NPHP4: variants seen among roughly 807,000 people sequenced by gnomAD.
NPHP4 encodes nephrocystin-4.
NPHP4 carries 151 observed loss-of-function variants against 155.8 expected under a neutral mutation model. That is an observed-to-expected ratio of 0.97 (90% CI 0.85 to 1.11). The LOEUF (loss-of-function observed/expected upper bound fraction) is 1.11. Ranked by LOEUF, NPHP4 falls within the 50% of genes least tolerant of loss-of-function variation. The pLI is 0.00. For missense variants in NPHP4, 1,956 were observed against 1,925.7 expected (o/e 1.02, Z -0.29); for synonymous variants, 845 against 816.8 (o/e 1.03, Z -0.59).
intron 23 of NPHP4, chr1:5,868,239 C>T (rs1310159422): frequency 1.0e-5 from 4 of 390,048 alleles, no homozygotes; most frequent in African/African-American, 2.1e-5. Flanking sequence ...TCCCACCTCC[C>T]GACACCCTGT....
At position 5,863,525 on chromosome 1, in the gene NPHP4, C is replaced by G. The variant is rs956635831; in HGVS notation, c.4141-120G>C. 21 of 1,254,100 alleles carry G rather than the reference C, an allele frequency of 1.7e-5. No homozygotes were observed. In the African/African-American group the frequency reaches 2.4e-4, roughly 14 times the overall value. 77.7% of individuals were successfully genotyped at this position (1,254,100 alleles called of 1,614,324 possible). On this transcript the variant is annotated intron_variant, in intron 29 of 29. Coordinates refer to ENST00000378156, the MANE Select transcript of NPHP4 (RefSeq NM_015102.5). ...GAGCTGACAAGGCAGGGGAGCCCTG[C>G]GGGTGCATCCAAGGCCTGCCTTTGA...
chr1:5,980,936 C>A (rs548991531), intron 2 of NPHP4, among the ~76,000 whole-genome samples: 96 of 152,286 alleles, frequency 6.3e-4, no homozygotes, highest in African/African-American at 2.1e-3. Flanking sequence ...CTCCTCAGCT[C>A]CTCCCGCATC....
rs188785553 is a variant in NPHP4 at position 5,906,127 on chromosome 1, G to A, written c.1612-344C>T. ...CTAATTTTATGAGCAGGTCAGGACC[G>A]TGGGAGATACCTGACACCTGAGATG... is the stretch of plus-strand genomic sequence containing the variant. On this transcript the variant is annotated intron_variant, in intron 13 of 29. Coordinates refer to ENST00000378156, the MANE Select transcript of NPHP4 (RefSeq NM_015102.5). 9.8e-5 allele frequency among the ~76,000 whole-genome samples: 15 copies of A among 152,348 alleles called. No individual in the cohort carries two copies. The South Asian group carries it at 2.7e-3, about 27-fold the overall frequency.
Position 5,866,408 on chromosome 1 carries a change from G to C in NPHP4, c.3609C>G (p.Ser1203Arg), listed in dbSNP as rs1225987472. The C allele has an allele frequency of 5.6e-6, 9 of 1,609,096 alleles. No homozygotes were observed. The highest frequency in any genetic ancestry group is 7.6e-6 in the Non-Finnish European group (9 of 1,177,432). Residue 1203 changes from serine to arginine, a missense_variant, in exon 26 of 30, where the codon AGC (serine) becomes AGG (arginine). Coordinates refer to ENST00000378156, the MANE Select transcript of NPHP4 (RefSeq NM_015102.5). ...DIFLKVASGPSPEIKDFFVII... is the reference protein window; with the variant it reads ...DIFLKVASGPRPEIKDFFVII... ...TGACAAAGAAGTCTTTGATCTCCGG[G>C]CTTGGACCACTGGCCACCTTCAGAA...
At chr1:5,946,966 T>A in intron 9 of NPHP4, 138 bp downstream of exon 9, 2 of 921,658 alleles carry the variant, frequency 2.2e-6, no homozygotes, top group Non-Finnish European at 3.4e-6. Context: ...CTGATAAATG[T>A]CAGTAAAGTG....
At position 5,863,982 on chromosome 1, in the gene NPHP4, T is replaced by C; in HGVS notation, c.4048A>G (p.Ile1350Val). ...GAGGGGTAGGGGTTGGTGTAGGTGA[T>C]CCTCTTGTTGACACCCTTCCCTTCG... ...AGEGKGVNKR[I>V]TYTNPYPSRR... The change falls in exon 29 of 30, where the codon ATC (isoleucine) becomes GTC (valine). Residue 1350 changes from isoleucine to valine, a missense_variant. Ile to Val is a conservative substitution (Grantham distance 29). Coordinates refer to ENST00000378156, the MANE Select transcript of NPHP4 (RefSeq NM_015102.5). 1 of 1,613,704 alleles carries C rather than the reference T, an allele frequency of 6.2e-7. No individual in the cohort carries two copies.
intron 3 of NPHP4, among the ~76,000 whole-genome samples, chr1:5,973,115 T>A (rs1366902995): frequency 6.6e-6 from 1 of 152,142 alleles, no homozygotes; most frequent in Non-Finnish European, 1.5e-5. Context: ...AAATTCCTGA[T>A]CTCAAGTGAT....
rs1193119060 is a variant in NPHP4 at position 5,983,563 on chromosome 1, C to T, written c.135+2592G>A. Among the ~76,000 whole-genome samples the T allele has an allele frequency of 2.6e-5, 4 of 152,348 alleles. No individual in the cohort carries two copies. The East Asian group carries it at 7.7e-4, about 29-fold the overall frequency. ...GACTCTTGGAAGCTTGTACCCTCTT[C>T]CCTCAGACATCCCCCATATGCCTCC... On this transcript the variant is annotated intron_variant, in intron 2 of 29. Transcript: ENST00000378156.
intron 6 of NPHP4, among the ~76,000 whole-genome samples, chr1:5,959,046 C>CG (rs993680253): frequency 2.4e-4 from 23 of 95,692 alleles, no homozygotes; most frequent in Admixed American, 1.4e-3. Flanking sequence ...GGGCGGGGGG[C>CG]GGGGGGGCGG....
At chr1:5,866,105 C>A in intron 26 of NPHP4, 1 of 521,446 alleles carries the variant, frequency 1.9e-6, no homozygotes, top group Admixed American at 3.2e-5. Context: ...TTGCCACTAT[C>A]TGGGGACAGA....
chr1:5,866,070 G>A (rs1201090830), intron 26 of NPHP4: 3 of 443,126 alleles, frequency 6.8e-6, no homozygotes, highest in Non-Finnish European at 4.2e-6. Flanking sequence ...CAAGAAAAAG[G>A]TAATGAGGGG....
Position 5,905,772 on chromosome 1 carries a change from C to T in NPHP4, c.1623G>A (p.Pro541=), listed in dbSNP as rs375796182. The T allele has an allele frequency of 5.6e-6, 9 of 1,607,974 alleles. No individual in the cohort carries two copies. In the East Asian group the frequency reaches 6.7e-5, roughly 12 times the overall value. The change falls in exon 14 of 30, where the codon CCG becomes CCA. Residue 541 remains proline, a synonymous_variant. Coordinates refer to ENST00000378156, the MANE Select transcript of NPHP4 (RefSeq NM_015102.5). This position sits in a 1 kb window ranked among gnomAD's most constrained non-coding sequence, Gnocchi z 4.0. ...QASPAQAQEF[P]LEAGISHLEA... is the part of the protein sequence containing the mutation. ...CCAGGTGGGAGATACCGGCCTCCAA[C>T]GGGAACTCCTGCTGAACAAAACGAG...
At position 5,867,601 on chromosome 1, in the gene NPHP4, G is replaced by T; in HGVS notation, c.3472+139C>A. ...CGTTTCAAACCATAAAGGCAGGAGA[G>T]AGAATTCCCCAGGCCCCACGTGCTG... On this transcript the variant is annotated intron_variant, in intron 24 of 29. Transcript: ENST00000378156. This position sits in a 1 kb window ranked among gnomAD's most constrained non-coding sequence, Gnocchi z 4.1. 1.2e-6 allele frequency: 1 copy of T among 838,004 alleles called. No individual in the cohort carries two copies. The highest frequency in any genetic ancestry group is 1.8e-6 in the Non-Finnish European group (1 of 544,886). The allele number at this position is 838,004 out of a possible 1,614,324, so 51.9% of individuals were successfully genotyped here.
chr1:5,904,648 C>G lies in NPHP4; in HGVS notation c.2112G>C (p.Val704=). 2.5e-6 allele frequency: 4 copies of G among 1,612,654 alleles called. No individual in the cohort carries two copies. The highest frequency in any genetic ancestry group is 3.4e-6 in the Non-Finnish European group (4 of 1,179,006). The part of the protein sequence containing the change: ...PSSGALTHIL[V]PVSRDGTFDA... ...CAAAGGTGCCATCTCTGCTCACAGG[C>G]ACGAGGATGTGGGTCAGGGCGCCAG... is the stretch of plus-strand genomic sequence containing the variant. Residue 704 remains valine, a synonymous_variant, in exon 16 of 30, where the codon GTG becomes GTC. Coordinates refer to ENST00000378156, the MANE Select transcript of NPHP4 (RefSeq NM_015102.5).
At chr1:5,953,546 TTTACTGTG>T (rs1648604292) in intron 6 of NPHP4, among the ~76,000 whole-genome samples, 1 of 152,210 alleles carries the variant, frequency 6.6e-6, no homozygotes, top group African/African-American at 2.4e-5. Context: ...CGCTCCTTAC[TTTACTGTG>T]TTACCTTGAA....
At chr1:5,941,435 C>G (rs1246962727) in intron 9 of NPHP4, among the ~76,000 whole-genome samples, 2 of 151,442 alleles carry the variant, frequency 1.3e-5, no homozygotes, top group Admixed American at 6.6e-5. Context: ...ACTTATATAT[C>G]TGACTACATT....
At chr1:5,951,586 G>C (rs1429745666) in intron 7 of NPHP4, among the ~76,000 whole-genome samples, 1 of 152,228 alleles carries the variant, frequency 6.6e-6, no homozygotes, top group African/African-American at 2.4e-5. Flanking sequence ...AGCAGAACCA[G>C]GCAATCTCCG....
rs753990494 is a variant in NPHP4, at chr1:5,952,830, G to A, written c.680C>T (p.Ala227Val). The A allele has an allele frequency of 1.9e-6, 3 of 1,600,216 alleles. No individual in the cohort carries two copies. The highest frequency in any genetic ancestry group is 2.6e-6 in the Non-Finnish European group (3 of 1,173,658). ...LLPAHGESGDALRKPRLQKPI... is the reference protein window; with the variant it reads ...LLPAHGESGDVLRKPRLQKPI... ...CTTCTGGAGGCGAGGCTTTCGGAGA[G>A]CGTCGCCTGAAACAGTGAGGGTGCG... Residue 227 changes from alanine (A) to valine (V), a missense_variant, in exon 7 of 30, where the codon GCT (alanine) becomes GTT (valine). Coordinates refer to ENST00000378156, the MANE Select transcript of NPHP4 (RefSeq NM_015102.5).
chr1:5,915,551 G>C (rs1645427804), intron 11 of NPHP4, among the ~76,000 whole-genome samples: 1 of 152,140 alleles, frequency 6.6e-6, no homozygotes, highest in Admixed American at 6.5e-5. Context: ...AGGGGCAACT[G>C]GATGATGAGT....
Sources: gnomAD v4.1 joint callset for allele counts (sites outside exome capture counted in the v4.1 genomes callset) on GRCh38, gnomAD v4.1.1 for gene constraint, Gnocchi (gnomAD v3.1) non-coding constraint, MANE v1.5 for transcripts, NCBI Gene and HGNC (gene_info 2026-07-23, HGNC 2026-07-21) for gene names.